The following KIF21A variants were observed in gnomAD, a reference collection of about 807,000 sequenced individuals.
KIF21A encodes the protein kinesin-like protein KIF21A.
KIF21A carries 114 observed loss-of-function variants against 202.9 expected under a neutral mutation model. That is an observed-to-expected ratio of 0.56 (90% CI 0.48 to 0.66). KIF21A has a LOEUF of 0.66. Among genes scored for constraint, KIF21A ranks in the 30% least tolerant of loss-of-function variants. The pLI, the probability that KIF21A is intolerant of heterozygous loss-of-function variation, is 0.00. For synonymous variants in KIF21A, 667 were observed against 670.8 expected, an observed-to-expected ratio of 0.99 and a Z score of 0.09; for missense variants, 1,677 against 1,994.9, an observed-to-expected ratio of 0.84 and a Z score of 3.04.
chr12:39,341,549 C>T lies in KIF21A; in HGVS notation c.1877G>A (p.Gly626Glu). The change falls in exon 14 of 38, where the codon GGG (glycine) becomes GAG (glutamate). Residue 626 changes from glycine (G) to glutamate (E), a missense_variant. By Grantham distance (98) the Gly-to-Glu change is moderately conservative (BLOSUM62 -2). Transcript: ENST00000361418. The part of the protein sequence containing the change: ...EEEEEEDDID[G>E]GESSDESDSE... ...ATCTGATTCATCAGAACTTTCACCC[C>T]CATCAATGTCATCTTCCTCCTCCTC... is the stretch of plus-strand genomic sequence containing the variant. 1 of 1,613,000 alleles carries T rather than the reference C, an allele frequency of 6.2e-7. No homozygotes were observed. The highest frequency in any genetic ancestry group is 8.5e-7 in the Non-Finnish European group (1 of 1,179,408).
At chr12:39,435,275 G>A (rs1018213339) in intron 1 of KIF21A, among the ~76,000 whole-genome samples, 2 of 152,182 alleles carry the variant, frequency 1.3e-5, no homozygotes, top group Admixed American at 6.5e-5. Flanking sequence ...CTTGTCTCAA[G>A]TCAATAATCC....
Position 39,332,712 on chromosome 12 carries a change from C to T in KIF21A, c.2735G>A (p.Arg912Gln), listed in dbSNP as rs145303928. The change falls in exon 20 of 38, where the codon CGA becomes CAA. Residue 912 changes from arginine (R) to glutamine (Q), a missense_variant. Arg to Gln is a conservative substitution (Grantham distance 43). Coordinates refer to ENST00000361418, the MANE Select transcript of KIF21A (RefSeq NM_001173464.2). ...KKYQRKGLTG[R>Q]VFISKTARMK... is the part of the protein sequence containing the mutation. ...GCGAGCTGTCTTGGAAATAAACACT[C>T]GGCCAGTCAATCCTTTCCTCTGATA... 2.4e-5 allele frequency: 38 copies of T among 1,613,966 alleles called. No homozygotes were observed. Among genetic ancestry groups the T allele is most frequent in the African/African-American group, 4.0e-5 (3 of 74,904 alleles).
intron 1 of KIF21A, among the ~76,000 whole-genome samples, chr12:39,415,591 T>C (rs1953513389): frequency 6.6e-6 from 1 of 152,142 alleles, no homozygotes; most frequent in Non-Finnish European, 1.5e-5. Context: ...TGATTTTAGC[T>C]CCCTTATGTC....
intron 17 of KIF21A, among the ~76,000 whole-genome samples, chr12:39,335,664 T>C (rs555490396): frequency 6.6e-6 from 1 of 152,300 alleles, no homozygotes; most frequent in South Asian, 2.1e-4. Context: ...AGGTAAATTT[T>C]AGGATAAGTT....
intron 1 of KIF21A, among the ~76,000 whole-genome samples, chr12:39,437,925 C>G (rs148996058): frequency 4.9e-4 from 75 of 152,158 alleles, no homozygotes; most frequent in African/African-American, 1.7e-3. Context: ...TAAACTGTTT[C>G]GAATAATTTA....
At chr12:39,419,601 C>A (rs1954072991) in intron 1 of KIF21A, among the ~76,000 whole-genome samples, 1 of 152,164 alleles carries the variant, frequency 6.6e-6, no homozygotes, top group Admixed American at 6.5e-5. Flanking sequence ...AGGTAAGTTG[C>A]TAGACACAGT....
chr12:39,303,263 T>C lies in KIF21A; in HGVS notation c.4561-128A>G, dbSNP rs1253149254. On this transcript the variant is annotated intron_variant, in intron 35 of 37. Coordinates refer to ENST00000361418, the MANE Select transcript of KIF21A (RefSeq NM_001173464.2). ...GACTTGTTTTGTTATCTATTGTTTC[T>C]GGTTTGTTAAATGTTTTCTTTTTAT... 4.0e-6 allele frequency: 3 copies of C among 757,002 alleles called. No individual in the cohort carries two copies. The South Asian group carries it at 5.2e-5, about 13-fold the overall frequency. 46.9% of individuals were successfully genotyped at this position (757,002 alleles called of 1,614,324 possible). A position where few individuals can be genotyped will look rare whatever the true frequency, so the allele number is the denominator to read the frequency against.
intron 27 of KIF21A, among the ~76,000 whole-genome samples, chr12:39,320,280 C>T (rs532717197): frequency 1.3e-5 from 2 of 151,926 alleles, no homozygotes; most frequent in East Asian, 1.9e-4. Context: ...AGTGATATAC[C>T]GCCAAATAGC....
At chr12:39,416,683 G>GTGTATATATATGTACATATATA (rs1953673685) in intron 1 of KIF21A, among the ~76,000 whole-genome samples, 1 of 88,790 alleles carries the variant, frequency 1.1e-5, no homozygotes, top group East Asian at 5.3e-4. Context: ...ACATATATAT[G>GTGTATATATATGTACATATATA]TGTGTATATA....
intron 16 of KIF21A, among the ~76,000 whole-genome samples, chr12:39,337,747 C>A (rs996737709): frequency 1.3e-5 from 2 of 152,108 alleles, no homozygotes; most frequent in Admixed American, 1.3e-4. Context: ...CAACAATGAA[C>A]CACACTTAAG....
At position 39,330,830 on chromosome 12, in the gene KIF21A, G is replaced by T; in HGVS notation, c.3235C>A (p.Gln1079Lys). ...LKQTEITSAT[Q>K]NQLLFHMLKE... ...AACATATGGAATAAGAGCTGGTTTTGGGTAGCACTGGTTATTTCTGTTTGT... is the reference window on the plus strand; with the variant it reads ...AACATATGGAATAAGAGCTGGTTTTTGGTAGCACTGGTTATTTCTGTTTGT... The change falls in exon 23 of 38, where the codon CAA (glutamine) becomes AAA (lysine). Residue 1079 changes from glutamine (Q) to lysine (K), a missense_variant. This residue lies in a region of KIF21A where 705 missense variants were observed against 791.9 expected (regional missense o/e 0.89). Transcript: ENST00000361418. 6.2e-7 allele frequency: 1 copy of T among 1,613,886 alleles called. No individual in the cohort carries two copies. Among genetic ancestry groups the T allele is most frequent in the Non-Finnish European group, 8.5e-7 (1 of 1,179,840 alleles).
In KIF21A at chr12:39,442,857, C is replaced by A; in HGVS notation, c.44+70G>T. ...CTCCACCCCGGTAGCCGGTGCTCCGCGCCACAGCCAGGTCCTTGCCGCGCC... is the reference window on the plus strand; with the variant it reads ...CTCCACCCCGGTAGCCGGTGCTCCGAGCCACAGCCAGGTCCTTGCCGCGCC... On this transcript the variant is annotated intron_variant, in intron 1 of 37. Coordinates refer to ENST00000361418, the MANE Select transcript of KIF21A (RefSeq NM_001173464.2). This position sits in a 1 kb window ranked among gnomAD's most constrained non-coding sequence, Gnocchi z 5.0. 1 of 1,503,468 alleles carries A rather than the reference C, an allele frequency of 6.7e-7. No individual in the cohort carries two copies. 93.1% of individuals were successfully genotyped at this position (1,503,468 alleles called of 1,614,324 possible).
chr12:39,392,846 T>C, intron 1 of KIF21A, among the ~76,000 whole-genome samples: 1 of 142,072 alleles, frequency 7.0e-6, no homozygotes, highest in Non-Finnish European at 1.5e-5. Flanking sequence ...GATGTTTACA[T>C]AAAAAAGATC....
At chr12:39,298,078 G>A (rs548808152) in intron 37 of KIF21A, among the ~76,000 whole-genome samples, 2 of 152,148 alleles carry the variant, frequency 1.3e-5, no homozygotes, top group Admixed American at 1.3e-4. Context: ...AATTTATGGA[G>A]CAGCTGTTTT....
intron 1 of KIF21A, among the ~76,000 whole-genome samples, chr12:39,379,270 G>A (rs1950460757): frequency 6.6e-6 from 1 of 151,060 alleles, no homozygotes; most frequent in Non-Finnish European, 1.5e-5. Context: ...AGAGGTTGCA[G>A]TGAGCCGAGA....
At chr12:39,348,650 G>A (rs1948109034) in intron 11 of KIF21A, among the ~76,000 whole-genome samples, 1 of 151,780 alleles carries the variant, frequency 6.6e-6, no homozygotes, top group Non-Finnish European at 1.5e-5. Flanking sequence ...AAGACACAGA[G>A]CTTCCAAAGA....
At chr12:39,350,229 A>G (rs1255397618) in intron 11 of KIF21A, among the ~76,000 whole-genome samples, 1 of 152,002 alleles carries the variant, frequency 6.6e-6, no homozygotes, top group Non-Finnish European at 1.5e-5. Context: ...TTACAACTAC[A>G]TAATCACTGA....
intron 27 of KIF21A, 126 bp from the exon 28 acceptor site, chr12:39,320,139 C>T: frequency 1.6e-6 from 1 of 621,780 alleles, no homozygotes; most frequent in Non-Finnish European, 2.8e-6. Flanking sequence ...TACTTGAGAA[C>T]AAAAAATAAA....
At chr12:39,360,153 T>C (rs927549894) in intron 7 of KIF21A, among the ~76,000 whole-genome samples, 2 of 151,936 alleles carry the variant, frequency 1.3e-5, no homozygotes, top group African/African-American at 4.8e-5. Context: ...ACCCAAAATA[T>C]ATAAATTTCA....
Sources: gnomAD v4.1 joint callset for allele counts (sites outside exome capture counted in the v4.1 genomes callset) on GRCh38, gnomAD v4.1.1 for gene constraint, gnomAD v4.1.1 regional missense constraint, Gnocchi (gnomAD v3.1) non-coding constraint, MANE v1.5 for transcripts, NCBI Gene and HGNC (gene_info 2026-07-23, HGNC 2026-07-21) for gene names.